Variants in GPC5 observed in about 807,000 individuals in gnomAD.
GPC5 encodes glypican-5.
In GPC5, 47 loss-of-function variants were observed where a neutral mutation model predicts 53.9. The observed-to-expected ratio is 0.87, with a 90% CI of 0.69 to 1.11. The LOEUF (loss-of-function observed/expected upper bound fraction) is 1.11, where lower values mean the gene tolerates loss of function less well. Among genes scored for constraint, GPC5 ranks in the 50% most tolerant of loss-of-function variants. GPC5 has a pLI of 0.00. For synonymous variants in GPC5, 286 were observed against 263.3 expected, an observed-to-expected ratio of 1.09 and a Z score of -0.84; for missense variants, 748 against 713.1, an observed-to-expected ratio of 1.05 and a Z score of -0.56.
At chr13:92,684,397 A>C (rs1234382036) in intron 7 of GPC5, among the ~76,000 whole-genome samples, 1 of 151,994 alleles carries the variant, frequency 6.6e-6, no homozygotes, top group African/African-American at 2.4e-5. Context: ...CAGCCTCCTG[A>C]GCAGCTGGGA....
intron 5 of GPC5, among the ~76,000 whole-genome samples, chr13:91,856,765 T>C (rs2038971798): frequency 6.6e-6 from 1 of 151,460 alleles, no homozygotes; most frequent in Admixed American, 6.6e-5. Flanking sequence ...GACATATCAT[T>C]ATTTCTTTTT....
chr13:92,528,889 T>C (rs1881456317), intron 7 of GPC5, among the ~76,000 whole-genome samples: 1 of 152,060 alleles, frequency 6.6e-6, no homozygotes, highest in Admixed American at 6.6e-5. Context: ...AGGCACTTAT[T>C]AATGATCATA....
intron 2 of GPC5, among the ~76,000 whole-genome samples, chr13:91,468,448 G>C (rs534596088): frequency 6.6e-6 from 1 of 152,244 alleles, no homozygotes; most frequent in South Asian, 2.1e-4. Flanking sequence ...ACTCCAATGT[G>C]ATTGGTGGCC....
chr13:91,604,481 C>G (rs1227105624), intron 2 of GPC5, among the ~76,000 whole-genome samples: 1 of 150,336 alleles, frequency 6.7e-6, no homozygotes, highest in Non-Finnish European at 1.5e-5. Context: ...AATGGGATGG[C>G]TGGGTCAAAT....
intron 7 of GPC5, among the ~76,000 whole-genome samples, chr13:92,665,440 C>T (rs950044678): frequency 6.6e-6 from 1 of 152,200 alleles, no homozygotes; most frequent in Non-Finnish European, 1.5e-5. Flanking sequence ...CCCTTGGCCC[C>T]AGTGCTCTTT....
chr13:92,396,443 C>G (rs570870637), intron 7 of GPC5, among the ~76,000 whole-genome samples: 1 of 149,956 alleles, frequency 6.7e-6, no homozygotes, highest in Non-Finnish European at 1.5e-5. Context: ...TGTTACCTAT[C>G]TGATGAGTCC....
rs556494436 is a variant in GPC5, at chr13:92,440,759, T to C, written c.1561+295770T>C. 8.1e-4 allele frequency among the ~76,000 whole-genome samples: 123 copies of C among 152,268 alleles called. 1 individual carries two copies. Among genetic ancestry groups the C allele is most frequent in the Non-Finnish European group, 1.5e-4 (10 of 68,004 alleles). ...TTCTCCATAACTTTGCCAGCATCTG[T>C]TATTTTTTGAGGTTTTAACAAAAGC... On this transcript the variant is annotated intron_variant, in intron 7 of 7. Coordinates refer to ENST00000377067, the MANE Select transcript of GPC5 (RefSeq NM_004466.6).
intron 7 of GPC5, among the ~76,000 whole-genome samples, chr13:92,843,158 T>C (rs2138835653): frequency 6.6e-6 from 1 of 152,324 alleles, no homozygotes; most frequent in Non-Finnish European, 1.5e-5. Context: ...TATACTTCTA[T>C]GTCATAGTTA....
At chr13:91,630,672 TC>T (rs1254918584) in intron 2 of GPC5, among the ~76,000 whole-genome samples, 2 of 152,084 alleles carry the variant, frequency 1.3e-5, no homozygotes, top group Non-Finnish European at 2.9e-5. Flanking sequence ...TGGAGAAGCC[TC>T]TTTGGGCGGG....
At chr13:91,898,876 G>A (rs762119519) in intron 5 of GPC5, among the ~76,000 whole-genome samples, 2 of 151,986 alleles carry the variant, frequency 1.3e-5, no homozygotes, top group African/African-American at 4.8e-5. Flanking sequence ...TTACTCTTAA[G>A]CATCAACAAA....
intron 7 of GPC5, among the ~76,000 whole-genome samples, chr13:92,175,562 C>A (rs1436861562): frequency 1.3e-5 from 2 of 151,994 alleles, no homozygotes; most frequent in Non-Finnish European, 2.9e-5. Context: ...TTGGTGGGCG[C>A]CCCTTTGGAA....
chr13:92,380,252 C>T (rs1445692771), intron 7 of GPC5, among the ~76,000 whole-genome samples: 1 of 152,274 alleles, frequency 6.6e-6, no homozygotes, highest in Non-Finnish European at 1.5e-5. Context: ...GGTGTGCCCT[C>T]TTCATTCGCT....
chr13:92,188,028 T>C (rs2042196465), intron 7 of GPC5, among the ~76,000 whole-genome samples: 1 of 152,222 alleles, frequency 6.6e-6, no homozygotes, highest in Non-Finnish European at 1.5e-5. Context: ...ATTTATGTTG[T>C]GATATGACAG....
At chr13:92,148,396 T>G (rs1348875515) in intron 7 of GPC5, among the ~76,000 whole-genome samples, 2 of 152,094 alleles carry the variant, frequency 1.3e-5, no homozygotes, top group Non-Finnish European at 2.9e-5. Context: ...TCATTTTGTC[T>G]TCATCACCAA....
At chr13:92,803,047 T>C (rs746183249) in intron 7 of GPC5, among the ~76,000 whole-genome samples, 1 of 151,892 alleles carries the variant, frequency 6.6e-6, no homozygotes, top group Non-Finnish European at 1.5e-5. Flanking sequence ...TTTGGACCCA[T>C]TCCCCCAAAT....
At chr13:92,340,483 C>G (rs1006976711) in intron 7 of GPC5, 2 of 152,122 alleles carry the variant, frequency 1.3e-5, no homozygotes, top group African/African-American at 4.8e-5. Context: ...TCCAGCCTCT[C>G]AAGTAGCTGG....
intron 7 of GPC5, among the ~76,000 whole-genome samples, chr13:92,766,747 A>G (rs1429543998): frequency 2.0e-5 from 3 of 152,204 alleles, no homozygotes; most frequent in African/African-American, 7.2e-5. Flanking sequence ...AGAGAGCACA[A>G]ATTAGTTGAA....
chr13:92,779,210 C>T (rs1165954693), intron 7 of GPC5, among the ~76,000 whole-genome samples: 4 of 152,030 alleles, frequency 2.6e-5, no homozygotes, highest in Non-Finnish European at 4.4e-5. Context: ...CTTTTTAAAA[C>T]CATCAGATCT....
chr13:91,534,959 A>C (rs781616534), intron 2 of GPC5, among the ~76,000 whole-genome samples: 1 of 152,194 alleles, frequency 6.6e-6, no homozygotes, highest in Non-Finnish European at 1.5e-5. Context: ...TTAATTATCT[A>C]GTGAAACCCA....
Sources: allele counts gnomAD v4.1 joint callset (sites outside exome capture counted in the v4.1 genomes callset), GRCh38; gene constraint gnomAD v4.1.1; transcripts MANE v1.5; gene names NCBI Gene and HGNC (gene_info 2026-07-23, HGNC 2026-07-21).